TENM2: variants seen among roughly 807,000 people sequenced by gnomAD.
TENM2 encodes teneurin-2.
A neutral mutation model predicts 245.2 loss-of-function variants in TENM2; 52 were observed. That is an observed-to-expected ratio of 0.21 (90% confidence interval 0.17 to 0.27). The LOEUF (loss-of-function observed/expected upper bound fraction) is 0.27, where lower values mean the gene tolerates loss of function less well. Among genes scored for constraint, TENM2 ranks in the 10% least tolerant of loss-of-function variants. The probability of loss-of-function intolerance (pLI) is 1.00; values close to 1 mark genes in which losing one functional copy is unlikely to be tolerated. For synonymous variants in TENM2, 1,363 were observed against 1,438.9 expected (o/e 0.95, Z 1.19); for missense variants, 3,046 against 3,666.8 (o/e 0.83, Z 4.37).
At chr5:167,400,466 T>G (rs1484420596) in intron 2 of TENM2, among the ~76,000 whole-genome samples, 1 of 152,098 alleles carries the variant, frequency 6.6e-6, no homozygotes, top group East Asian at 1.9e-4. Flanking sequence ...GGAAGTTTGG[T>G]TTTGAAAAAT....
chr5:167,036,148 C>G, the TENM2 span, among the ~76,000 whole-genome samples: 1 of 152,182 alleles, frequency 6.6e-6, no homozygotes, highest in African/African-American at 2.4e-5. Context: ...TCAGAAGGCT[C>G]TCTGAGAATC....
intron 12 of TENM2, among the ~76,000 whole-genome samples, chr5:168,156,932 A>G (rs1757241026): frequency 6.6e-6 from 1 of 152,162 alleles, no homozygotes; most frequent in Non-Finnish European, 1.5e-5. Flanking sequence ...CGTTCGGTTC[A>G]CAGTAGGGGC....
intron 2 of TENM2, among the ~76,000 whole-genome samples, chr5:167,776,628 C>CAAAAAAAAAAAAA (rs1231798303): frequency 9.3e-5 from 2 of 21,548 alleles, no homozygotes; most frequent in Non-Finnish European, 7.6e-5. Context: ...AAAAAAAAAC[C>CAAAAAAAAAAAAA]ATATATATGT....
rs1173294618 is a variant in TENM2, at chr5:168,244,164, C to T, written c.5521-256C>T. Among the ~76,000 whole-genome samples, 4 of 151,934 alleles carry T rather than the reference C, an allele frequency of 2.6e-5. No homozygotes were observed. Among genetic ancestry groups the T allele is most frequent in the African/African-American group, 4.8e-5 (2 of 41,374 alleles). ...GTTGGCCAGGCTGGTCTTGAACTCC[C>T]GACCTCAGGTGATCCACCCACTTCA... On this transcript the variant is annotated intron_variant, in intron 25 of 28. Coordinates refer to ENST00000518659, the Ensembl canonical transcript of TENM2. The surrounding 1 kb of genome is among the most constrained non-coding windows in gnomAD (Gnocchi z 4.9).
chr5:168,126,792 A>G, exon 12 of TENM2: 1 of 1,613,224 alleles, frequency 6.2e-7, no homozygotes, highest in Non-Finnish European at 8.5e-7. Context: ...CGGCGTCTGC[A>G]TCGGGGGAGC....
intron 2 of TENM2, among the ~76,000 whole-genome samples, chr5:167,467,507 CTTGT>C (rs1582130071): frequency 1.4e-5 from 1 of 70,124 alleles, no homozygotes; most frequent in East Asian, 3.3e-4. Flanking sequence ...CATTATTACT[CTTGT>C]TTGAGAAAAA....
exon 2 of TENM2, chr5:167,375,339 T>C: frequency 1.3e-6 from 2 of 1,551,582 alleles, no homozygotes; most frequent in Non-Finnish European, 1.7e-6. Flanking sequence ...GAGGGAGGGA[T>C]GTCTCCAGAA....
intron 2 of TENM2, among the ~76,000 whole-genome samples, chr5:167,741,393 A>AT (rs1276507606): frequency 6.6e-6 from 1 of 152,218 alleles, no homozygotes; most frequent in Middle Eastern, 3.2e-3. Context: ...ATGATCTTCA[A>AT]AAAGGAATCA....
chr5:167,187,498 T>G, the TENM2 span, among the ~76,000 whole-genome samples: 1 of 152,178 alleles, frequency 6.6e-6, no homozygotes, highest in Non-Finnish European at 1.5e-5. Context: ...CCTGAACTCT[T>G]CTCCAATGTG....
chr5:167,798,814 C>A (rs956217749), intron 2 of TENM2, among the ~76,000 whole-genome samples: 18 of 152,208 alleles, frequency 1.2e-4, no homozygotes, highest in Non-Finnish European at 1.9e-4. Context: ...ACACACTAAA[C>A]TCCACTGTGG....
chr5:168,215,070 A>T (rs1317267765), exon 21 of TENM2: 1 of 1,613,876 alleles, frequency 6.2e-7, no homozygotes, highest in East Asian at 2.2e-5. Context: ...ACTACTTGGC[A>T]GTGGACCCCG....
intron 1 of TENM2, among the ~76,000 whole-genome samples, chr5:167,342,023 G>A (rs1341147877): frequency 6.6e-6 from 1 of 152,132 alleles, no homozygotes; most frequent in East Asian, 1.9e-4. Flanking sequence ...AGAGAGTACA[G>A]AGAGTTCCTG....
At chr5:167,645,451 T>G (rs13359739) in intron 2 of TENM2, among the ~76,000 whole-genome samples, 1 of 151,956 alleles carries the variant, frequency 6.6e-6, no homozygotes, top group African/African-American at 2.4e-5. Context: ...TAAAATCCAG[T>G]TTGGAAATCC....
intron 3 of TENM2, among the ~76,000 whole-genome samples, chr5:167,895,907 C>T (rs1250364138): frequency 1.3e-5 from 2 of 152,224 alleles, no homozygotes; most frequent in African/African-American, 4.8e-5. Flanking sequence ...TTCAATTCCA[C>T]AAATGTTTAT....
intron 4 of TENM2, chr5:167,965,629 C>T (rs913805901): frequency 2.0e-5 from 3 of 152,070 alleles, no homozygotes; most frequent in Non-Finnish European, 4.4e-5. Flanking sequence ...AAATTTATTT[C>T]ACACAATCAT....
At chr5:167,558,132 T>A (rs1281360887) in intron 2 of TENM2, among the ~76,000 whole-genome samples, 1 of 152,148 alleles carries the variant, frequency 6.6e-6, no homozygotes, top group Non-Finnish European at 1.5e-5. Context: ...GAACAGACAC[T>A]GTCTGGAGTG....
intron 2 of TENM2, among the ~76,000 whole-genome samples, chr5:167,763,834 T>C (rs1353950199): frequency 1.3e-5 from 2 of 152,222 alleles, no homozygotes; most frequent in Non-Finnish European, 2.9e-5. Flanking sequence ...TGACAAGCAT[T>C]AATTTACAGT....
intron 2 of TENM2, among the ~76,000 whole-genome samples, chr5:167,719,834 G>C (rs1024589632): frequency 2.0e-5 from 3 of 152,098 alleles, no homozygotes; most frequent in Non-Finnish European, 4.4e-5. Flanking sequence ...TGAACATCCT[G>C]AAATGTACAA....
chr5:167,064,453 A>G, the TENM2 span, among the ~76,000 whole-genome samples: 1 of 152,236 alleles, frequency 6.6e-6, no homozygotes, highest in East Asian at 1.9e-4. Flanking sequence ...CCAAAAGCTG[A>G]ACTCTAAATA....
Sources: allele counts gnomAD v4.1 joint callset (sites outside exome capture counted in the v4.1 genomes callset), GRCh38; gene constraint gnomAD v4.1.1; non-coding constraint Gnocchi (gnomAD v3.1); transcripts MANE v1.5; gene names NCBI Gene and HGNC (gene_info 2026-07-23, HGNC 2026-07-21).